Variants in MOCOS observed in about 807,000 individuals in gnomAD.
The protein encoded by MOCOS is human molybdenum cofactor sulfurase.
In MOCOS, 86 loss-of-function variants were observed where a neutral mutation model predicts 83.6. The ratio of observed to expected loss-of-function variants is 1.03; its 90% CI spans 0.86 to 1.23. The LOEUF (loss-of-function observed/expected upper bound fraction) is 1.23. Ranked by LOEUF, MOCOS falls within the 50% of genes most tolerant of loss-of-function variation. MOCOS has a pLI of 0.00. For synonymous variants in MOCOS, 445 were observed against 434.7 expected (o/e 1.02, Z -0.29); for missense variants, 1,120 against 1,126.9 (o/e 0.99, Z 0.09).
At chr18:36,257,630 A>G (rs1054406017) in intron 12 of MOCOS, among the ~76,000 whole-genome samples, 1 of 152,188 alleles carries the variant, frequency 6.6e-6, no homozygotes, top group Non-Finnish European at 1.5e-5. Flanking sequence ...AGAAAGGGTC[A>G]TGGTTGGGCC....
intron 3 of MOCOS, among the ~76,000 whole-genome samples, chr18:36,199,313 T>G (rs8096653): frequency 0.1 from 15,302 of 152,258 alleles, 982 homozygotes; most frequent in African/African-American, 0.18. Flanking sequence ...GTGATACTGT[T>G]TTGCTATTAG....
chr18:36,230,218 G>T (rs1208630382), intron 9 of MOCOS, among the ~76,000 whole-genome samples: 1 of 152,024 alleles, frequency 6.6e-6, no homozygotes, highest in Non-Finnish European at 1.5e-5. Context: ...GAGTAGCTGG[G>T]TTTACAGCTG....
intron 13 of MOCOS, among the ~76,000 whole-genome samples, chr18:36,266,510 C>T (rs1054832695): frequency 6.6e-6 from 1 of 152,194 alleles, no homozygotes; most frequent in African/African-American, 2.4e-5. Flanking sequence ...CATTCTCCAA[C>T]ATTTCCTGAG....
At position 36,205,162 on chromosome 18, in the gene MOCOS, A is replaced by G. The variant is rs1397375874; in HGVS notation, c.1104A>G (p.Gly368=). Residue 368 remains glycine, a synonymous_variant, in exon 6 of 15, where the codon GGA becomes GGG. Coordinates refer to ENST00000261326, the MANE Select transcript of MOCOS (RefSeq NM_017947.4). The part of the protein sequence containing the change: ...VALSSLQYPN[G]APVVRIYSDS... ...TGTCCTCTCTCCAGTACCCCAATGGAGCCCCTGTGGTGCGGATTTACAGCG... is the reference window on the plus strand; with the variant it reads ...TGTCCTCTCTCCAGTACCCCAATGGGGCCCCTGTGGTGCGGATTTACAGCG... 6 of 1,613,660 alleles carry G rather than the reference A, an allele frequency of 3.7e-6. No individual in the cohort carries two copies. Among genetic ancestry groups the G allele is most frequent in the Non-Finnish European group, 5.1e-6 (6 of 1,179,810 alleles).
intron 6 of MOCOS, among the ~76,000 whole-genome samples, chr18:36,211,719 T>C (rs1363858093): frequency 6.6e-6 from 1 of 151,902 alleles, no homozygotes; most frequent in Non-Finnish European, 1.5e-5. Context: ...GGACAAAGGG[T>C]AAGTGTGGCT....
In MOCOS at chr18:36,215,546, C is replaced by T; in HGVS notation, c.1366C>T (p.Leu456Phe). Residue 456 changes from leucine to phenylalanine, a missense_variant, in exon 8 of 15, where the codon CTC becomes TTC. Transcript: ENST00000261326. ...AGHVCGDNMDLIDGQPTGSVR... is the reference protein window; with the variant it reads ...AGHVCGDNMDFIDGQPTGSVR... ...TCATGTCTGTGGGGACAATATGGAC[C>T]TCATAGATGGGCAGCCCACAGGATC... 4 of 1,614,128 alleles carry T rather than the reference C, an allele frequency of 2.5e-6. No homozygotes were observed. The highest frequency in any genetic ancestry group is 3.4e-6 in the Non-Finnish European group (4 of 1,180,024).
At chr18:36,194,150 G>A (rs1598868947) in intron 1 of MOCOS, among the ~76,000 whole-genome samples, 1 of 152,266 alleles carries the variant, frequency 6.6e-6, no homozygotes, top group African/African-American at 2.4e-5. Flanking sequence ...AGGCATTGGG[G>A]AGTGATTGGT....
intron 9 of MOCOS, among the ~76,000 whole-genome samples, chr18:36,232,461 C>T (rs967857755): frequency 5.9e-5 from 9 of 152,070 alleles, no homozygotes; most frequent in Admixed American, 5.9e-4. Flanking sequence ...ATATTCATCA[C>T]CTCAAATATT....
intron 9 of MOCOS, among the ~76,000 whole-genome samples, chr18:36,225,968 A>G (rs2625064): frequency 0.94 from 141,343 of 150,252 alleles, 67,099 homozygotes; most frequent in East Asian, 1. Context: ...AAGACCTAAC[A>G]TGATCTATCC....
chr18:36,205,350 A>G, intron 6 of MOCOS, 74 bp downstream of exon 6: 1 of 1,456,912 alleles, frequency 6.9e-7, no homozygotes, highest in Non-Finnish European at 9.6e-7. Context: ...GTAGTGTGAC[A>G]AAGTCCATGC....
At chr18:36,254,514 A>G (rs1038843946) in intron 11 of MOCOS, among the ~76,000 whole-genome samples, 1 of 144,166 alleles carries the variant, frequency 6.9e-6, no homozygotes, top group Non-Finnish European at 1.5e-5. Context: ...AGAGAGAGAG[A>G]GCGAGAGGGA....
intron 9 of MOCOS, among the ~76,000 whole-genome samples, chr18:36,237,013 G>C (rs373870632): frequency 4.0e-5 from 6 of 151,182 alleles, no homozygotes; most frequent in South Asian, 2.1e-4. Flanking sequence ...AGTTGCTTAT[G>C]AGCTTAAGGA....
At chr18:36,238,273 T>G (rs1310341489) in intron 9 of MOCOS, among the ~76,000 whole-genome samples, 21 of 149,900 alleles carry the variant, frequency 1.4e-4, no homozygotes, top group African/African-American at 4.4e-4. Flanking sequence ...GGGCATTTAG[T>G]GCTATAAATT....
At chr18:36,187,922 C>T (rs1311362440) in intron 1 of MOCOS, among the ~76,000 whole-genome samples, 15 of 152,366 alleles carry the variant, frequency 9.8e-5, no homozygotes, top group African/African-American at 3.6e-4. Context: ...ACCTAGCCGT[C>T]TTCCCCTTTT....
At chr18:36,261,844 C>T (rs890330541) in intron 13 of MOCOS, among the ~76,000 whole-genome samples, 3 of 152,020 alleles carry the variant, frequency 2.0e-5, no homozygotes, top group African/African-American at 7.2e-5. Flanking sequence ...CCTACTGTTA[C>T]ACATCCTGCT....
intron 2 of MOCOS, among the ~76,000 whole-genome samples, chr18:36,196,038 A>G (rs375296547): frequency 4.6e-5 from 7 of 152,308 alleles, no homozygotes; most frequent in Non-Finnish European, 8.8e-5. Context: ...AAGATCCCAT[A>G]GTGGTTTCAG....
At chr18:36,208,092 T>A (rs1029220998) in intron 6 of MOCOS, among the ~76,000 whole-genome samples, 4 of 152,182 alleles carry the variant, frequency 2.6e-5, no homozygotes, top group African/African-American at 9.7e-5. Flanking sequence ...TTGTCAAAGA[T>A]CTGAGGGTTG....
chr18:36,216,052 G>A, intron 8 of MOCOS, 75 bp downstream of exon 8: 3 of 1,425,504 alleles, frequency 2.1e-6, no homozygotes, highest in African/African-American at 1.4e-5. Context: ...GTGAAGAAAA[G>A]CATGAAAAAA....
At chr18:36,234,477 T>A (rs143275951) in intron 9 of MOCOS, among the ~76,000 whole-genome samples, 2 of 152,290 alleles carry the variant, frequency 1.3e-5, no homozygotes, top group East Asian at 3.9e-4. Context: ...GCCTTCAGAT[T>A]TTTCTTTTTG....
Sources: allele counts gnomAD v4.1 joint callset (sites outside exome capture counted in the v4.1 genomes callset), GRCh38; gene constraint gnomAD v4.1.1; transcripts MANE v1.5; gene names NCBI Gene and HGNC (gene_info 2026-07-23, HGNC 2026-07-21).